TMPRSS7: variants seen among roughly 807,000 people sequenced by gnomAD.
TMPRSS7 encodes transmembrane serine protease 7, also known as transmembrane protease serine 7.
In TMPRSS7, 81 loss-of-function variants were observed where a neutral mutation model predicts 95.6. The ratio of observed to expected loss-of-function variants is 0.85; its 90% CI spans 0.71 to 1.02. The LOEUF (loss-of-function observed/expected upper bound fraction) is 1.02, where lower values mean the gene tolerates loss of function less well. Ranked by LOEUF, TMPRSS7 falls within the 50% of genes least tolerant of loss-of-function variation. TMPRSS7 has a pLI of 0.00. For missense variants in TMPRSS7, 945 were observed against 955.2 expected, an observed-to-expected ratio of 0.99 and a Z score of 0.14; for synonymous variants, 364 against 337.8, an observed-to-expected ratio of 1.08 and a Z score of -0.85.
intron 2 of TMPRSS7, chr3:112,039,537 T>C (rs1322802049): frequency 6.6e-6 from 1 of 152,190 alleles, no homozygotes; most frequent in Non-Finnish European, 1.5e-5. Flanking sequence ...GGGCTGAAGA[T>C]TGAGCTTAAT....
chr3:112,037,792 A>C (rs936273728), intron 1 of TMPRSS7, among the ~76,000 whole-genome samples: 1 of 152,194 alleles, frequency 6.6e-6, no homozygotes, highest in African/African-American at 2.4e-5. Context: ...GGAAAATAGA[A>C]AAGAACCTAC....
At chr3:112,056,747 T>A (rs1272935547) in intron 9 of TMPRSS7, among the ~76,000 whole-genome samples, 1 of 152,186 alleles carries the variant, frequency 6.6e-6, no homozygotes. Flanking sequence ...AAAGTTAAGT[T>A]CACACTAACA....
chr3:112,078,758 C>T (rs768601194), exon 17 of TMPRSS7: 9 of 1,614,180 alleles, frequency 5.6e-6, no homozygotes, highest in East Asian at 4.5e-5. Flanking sequence ...AAGGCTCCCT[C>T]GTTCTGCAGC....
chr3:112,067,050 A>G (rs776423626), intron 13 of TMPRSS7, among the ~76,000 whole-genome samples: 10 of 152,060 alleles, frequency 6.6e-5, no homozygotes, highest in Non-Finnish European at 1.3e-4. Context: ...TCATTGTTCA[A>G]TTCCCACCTA....
At chr3:112,042,342 C>T (rs1486601555) in intron 3 of TMPRSS7, among the ~76,000 whole-genome samples, 2 of 152,248 alleles carry the variant, frequency 1.3e-5, no homozygotes, top group Non-Finnish European at 1.5e-5. Context: ...CTTTAAAACA[C>T]CTTCCAGTTC....
chr3:112,051,180 G>A (rs956781870), intron 9 of TMPRSS7, among the ~76,000 whole-genome samples: 6 of 152,084 alleles, frequency 3.9e-5, no homozygotes, highest in Non-Finnish European at 8.8e-5. Context: ...TTTGGCATCC[G>A]TGGATTAAAC....
In TMPRSS7 at chr3:112,062,322, C is replaced by T. The variant is rs555736172; in HGVS notation, c.1447+399C>T. Among the ~76,000 whole-genome samples, 6 of 152,300 alleles carry T rather than the reference C, an allele frequency of 3.9e-5. No homozygotes were observed. The South Asian group carries it at 1.2e-3, about 32-fold the overall frequency. Reference sequence around the variant, plus strand: ...GCCAACACTTGTCACTCACTTTGGCCTGTGTTTGCACAGGAAGAGCTGTTT... The same window carrying T: ...GCCAACACTTGTCACTCACTTTGGCTTGTGTTTGCACAGGAAGAGCTGTTT... On this transcript the variant is annotated intron_variant, in intron 11 of 17. Coordinates refer to ENST00000452346, the Ensembl canonical transcript of TMPRSS7.
intron 13 of TMPRSS7, 95 bp from the exon 14 acceptor site, chr3:112,074,201 A>AT: frequency 5.7e-6 from 5 of 882,518 alleles, no homozygotes; most frequent in Non-Finnish European, 9.0e-6. Flanking sequence ...TGATTAAACC[A>AT]TTTTTTATGG....
At chr3:112,057,288 T>A (rs55971748) in intron 10 of TMPRSS7, among the ~76,000 whole-genome samples, 157 bp downstream of exon 10, 35,381 of 152,206 alleles carry the variant, frequency 0.23, 4,289 homozygotes, top group Middle Eastern at 0.28. Context: ...ATGCAGCTCA[T>A]GAGTGATGGA....
intron 17 of TMPRSS7, 150 bp downstream of exon 17, chr3:112,079,028 T>A: frequency 2.2e-6 from 2 of 915,406 alleles, no homozygotes; most frequent in Non-Finnish European, 3.2e-6. Context: ...TCCAATTGCC[T>A]AAGATCTTGG....
At chr3:112,068,397 C>A (rs2073601917) in intron 13 of TMPRSS7, among the ~76,000 whole-genome samples, 1 of 152,198 alleles carries the variant, frequency 6.6e-6, no homozygotes, top group Non-Finnish European at 1.5e-5. Context: ...GGCATTGAAT[C>A]TATAAATTAG....
rs189067548 is a variant in TMPRSS7, at chr3:112,049,278, C to T, written c.960-566C>T. Among the ~76,000 whole-genome samples, 401 of 152,298 alleles carry T rather than the reference C, an allele frequency of 2.6e-3. 9 individuals carry two copies. The highest frequency in any genetic ancestry group is 0.024 in the Admixed American group (368 of 15,298). On this transcript the variant is annotated intron_variant, in intron 7 of 17. Coordinates refer to ENST00000452346, the Ensembl canonical transcript of TMPRSS7. Reference sequence around the variant, plus strand: ...TGGGCCCTTGAGCCGCTTGCTCTGGCCCACTCCCACCCTGTGGAGTGCTTT... The same window carrying T: ...TGGGCCCTTGAGCCGCTTGCTCTGGTCCACTCCCACCCTGTGGAGTGCTTT...
chr3:112,074,285 T>C lies in TMPRSS7; in HGVS notation c.1667-11T>C, dbSNP rs759561813. On this transcript the variant is annotated splice_polypyrimidine_tract_variant and intron_variant, in intron 13 of 17. Coordinates refer to ENST00000452346, the Ensembl canonical transcript of TMPRSS7. ...CTAAGGAAAGCTGTTTCTTCTTTTG[T>C]CCATTGTTAGGTATTCCATGCAACA... 2 of 1,592,648 alleles carry C rather than the reference T, an allele frequency of 1.3e-6. No individual in the cohort carries two copies. Among genetic ancestry groups the C allele is most frequent in the Non-Finnish European group, 1.7e-6 (2 of 1,161,818 alleles).
chr3:112,047,268 T>A, intron 6 of TMPRSS7: 1 of 606,982 alleles, frequency 1.6e-6, no homozygotes, highest in Non-Finnish European at 3.0e-6. Flanking sequence ...CTCTGCCTAC[T>A]TCTATGGAGC....
At chr3:112,042,974 T>C in intron 3 of TMPRSS7, 1 of 455,706 alleles carries the variant, frequency 2.2e-6, no homozygotes, top group Non-Finnish European at 4.4e-6. Context: ...ACTGGCTGTG[T>C]AGAATGAGGA....
intron 12 of TMPRSS7, among the ~76,000 whole-genome samples, chr3:112,064,959 G>A (rs1348318230): frequency 1.3e-5 from 2 of 152,146 alleles, no homozygotes; most frequent in Non-Finnish European, 2.9e-5. Flanking sequence ...AATCTTTTGT[G>A]TATCCTTGGA....
intron 5 of TMPRSS7, among the ~76,000 whole-genome samples, chr3:112,046,531 A>G (rs898634277): frequency 5.9e-5 from 9 of 152,312 alleles, no homozygotes; most frequent in Admixed American, 5.2e-4. Flanking sequence ...TAAGTATATT[A>G]TACACACACA....
chr3:112,044,461 A>G, intron 4 of TMPRSS7, 139 bp downstream of exon 4: 1 of 713,134 alleles, frequency 1.4e-6, no homozygotes, highest in Non-Finnish European at 2.4e-6. Context: ...TAGCACAACT[A>G]GCGACTCAAC....
At chr3:112,046,674 C>T (rs556271672) in intron 5 of TMPRSS7, among the ~76,000 whole-genome samples, 17 of 151,894 alleles carry the variant, frequency 1.1e-4, no homozygotes, top group Admixed American at 3.3e-4. Flanking sequence ...GCTTTTTTAC[C>T]TTTGAAAATA....
Sources: allele counts gnomAD v4.1 joint callset (sites outside exome capture counted in the v4.1 genomes callset), GRCh38; gene constraint gnomAD v4.1.1; transcripts MANE v1.5; gene names NCBI Gene and HGNC (gene_info 2026-07-23, HGNC 2026-07-21).